Variants in IGSF11 observed in about 807,000 individuals in gnomAD.
IGSF11 encodes CXADR like 1.
Under a neutral mutation model 41.0 loss-of-function variants are expected in IGSF11, and 22 were observed. That is an observed-to-expected ratio of 0.54 (90% CI 0.38 to 0.77). The LOEUF (loss-of-function observed/expected upper bound fraction) is 0.77. Ranked by LOEUF, IGSF11 falls within the 30% of genes least tolerant of loss-of-function variation. The probability of loss-of-function intolerance (pLI) is 0.00; values close to 1 mark genes in which losing one functional copy is unlikely to be tolerated. For missense variants in IGSF11, 444 were observed against 530.8 expected, an observed-to-expected ratio of 0.84 and a Z score of 1.61; for synonymous variants, 219 against 201.3, an observed-to-expected ratio of 1.09 and a Z score of -0.74.
At chr3:119,007,071 C>T (rs1162312685) in intron 1 of IGSF11, among the ~76,000 whole-genome samples, 7 of 136,700 alleles carry the variant, frequency 5.1e-5, no homozygotes, top group Middle Eastern at 3.6e-3. Flanking sequence ...GCCTCGCTGC[C>T]GCCTTGCAGT....
intron 1 of IGSF11, among the ~76,000 whole-genome samples, chr3:119,008,417 G>A (rs1486776224): frequency 1.3e-5 from 2 of 152,088 alleles, no homozygotes; most frequent in African/African-American, 4.8e-5. Flanking sequence ...TCCTCTATCT[G>A]CCATGCACTA....
At chr3:118,921,597 G>A (rs1459957570) in intron 4 of IGSF11, among the ~76,000 whole-genome samples, 6 of 152,012 alleles carry the variant, frequency 3.9e-5, no homozygotes, top group East Asian at 1.9e-4. Context: ...AGTTAGTCAC[G>A]ATGATTGTCT....
intron 1 of IGSF11, among the ~76,000 whole-genome samples, chr3:119,028,793 C>T (rs551030424): frequency 2.0e-5 from 3 of 151,946 alleles, no homozygotes; most frequent in African/African-American, 4.8e-5. Flanking sequence ...CATAGTCACA[C>T]CAAATCCCTA....
At chr3:118,928,338 G>C (rs953952054) in intron 3 of IGSF11, among the ~76,000 whole-genome samples, 171 bp downstream of exon 3, 5 of 152,144 alleles carry the variant, frequency 3.3e-5, no homozygotes, top group African/African-American at 1.2e-4. Context: ...AAGAAAGGAG[G>C]GGGAGACTAT....
intron 1 of IGSF11, among the ~76,000 whole-genome samples, chr3:118,990,660 A>G (rs1260798700): frequency 6.6e-6 from 1 of 152,216 alleles, no homozygotes; most frequent in Non-Finnish European, 1.5e-5. Context: ...TGTACAGAGC[A>G]GTATTGTAGA....
chr3:119,107,489 C>T (rs1235483709), upstream of IGSF11, among the ~76,000 whole-genome samples: 2 of 151,892 alleles, frequency 1.3e-5, no homozygotes, highest in South Asian at 4.2e-4. Context: ...GGATATTAGC[C>T]CTTTGTCAGG....
intron 1 of IGSF11, among the ~76,000 whole-genome samples, chr3:119,024,237 C>T (rs750387916): frequency 2.0e-5 from 3 of 152,008 alleles, no homozygotes; most frequent in Non-Finnish European, 4.4e-5. Context: ...CTGAGGACAA[C>T]GAAATCACAA....
chr3:119,002,229 T>A (rs1399050163), intron 1 of IGSF11, among the ~76,000 whole-genome samples: 2 of 139,240 alleles, frequency 1.4e-5, no homozygotes, highest in Non-Finnish European at 3.1e-5. Context: ...CCAGTGATGA[T>A]GAGCATTTTT....
chr3:118,917,696 C>T (rs1190465197), intron 4 of IGSF11, among the ~76,000 whole-genome samples: 2 of 139,112 alleles, frequency 1.4e-5, no homozygotes, highest in Non-Finnish European at 3.1e-5. Context: ...GAACTGGTAC[C>T]ATTCCTTCTG....
chr3:118,937,164 C>T (rs1943348157), intron 1 of IGSF11, among the ~76,000 whole-genome samples: 2 of 152,302 alleles, frequency 1.3e-5, no homozygotes, highest in South Asian at 4.1e-4. Flanking sequence ...CTATGTTATC[C>T]TTCTGCCTAA....
intron 1 of IGSF11, among the ~76,000 whole-genome samples, chr3:119,143,284 A>G (rs2077673672): frequency 6.6e-6 from 1 of 152,216 alleles, no homozygotes; most frequent in South Asian, 2.1e-4. Context: ...TAATAGGTAC[A>G]CACTGTATAA....
At chr3:119,101,970 T>C (rs1040494795) in intron 1 of IGSF11, among the ~76,000 whole-genome samples, 1 of 152,236 alleles carries the variant, frequency 6.6e-6, no homozygotes, top group Non-Finnish European at 1.5e-5. Flanking sequence ...TTCATCTATA[T>C]TTTAAATAAT....
At chr3:119,066,766 A>G (rs1378036407) in intron 1 of IGSF11, among the ~76,000 whole-genome samples, 1 of 152,152 alleles carries the variant, frequency 6.6e-6, no homozygotes, top group Non-Finnish European at 1.5e-5. Flanking sequence ...CCATGCTTCA[A>G]CTTGGGTATT....
chr3:119,081,125 G>C (rs2076579411), intron 1 of IGSF11, among the ~76,000 whole-genome samples: 1 of 152,124 alleles, frequency 6.6e-6, no homozygotes, highest in Admixed American at 6.6e-5. Flanking sequence ...TGACTGTCTA[G>C]TGAGTATTTT....
chr3:119,126,020 G>T (rs1325299919), intron 1 of IGSF11, among the ~76,000 whole-genome samples: 3 of 152,250 alleles, frequency 2.0e-5, no homozygotes, highest in Non-Finnish European at 4.4e-5. Flanking sequence ...CTCCTGTGGG[G>T]AGGGGCGACC....
intron 1 of IGSF11, among the ~76,000 whole-genome samples, chr3:119,056,412 A>C (rs1190450403): frequency 1.3e-5 from 2 of 152,182 alleles, no homozygotes; most frequent in African/African-American, 2.4e-5. Flanking sequence ...CCCTCCCAAG[A>C]CTAAACCAGG....
intron 1 of IGSF11, among the ~76,000 whole-genome samples, chr3:119,044,484 A>C (rs994574823): frequency 6.6e-6 from 1 of 152,182 alleles, no homozygotes; most frequent in Non-Finnish European, 1.5e-5. Context: ...TGGAAAAAGT[A>C]TTTGAGGAAA....
chr3:118,979,607 G>A (rs1186319377), intron 1 of IGSF11, among the ~76,000 whole-genome samples: 1 of 152,122 alleles, frequency 6.6e-6, no homozygotes, highest in Non-Finnish European at 1.5e-5. Flanking sequence ...AACTCTTCAG[G>A]ACATTGGTGT....
rs747372252 is a variant in IGSF11 at position 119,034,555 on chromosome 3, G to C, written c.28C>G (p.Pro10Ala). Reference sequence around the variant, plus strand: ...CCGTGCAGAGAGAGGAGCAGCAAAGGCGCCAGAGGGGAACGCTGAGAAGTC... The same window carrying C: ...CCGTGCAGAGAGAGGAGCAGCAAAGCCGCCAGAGGGGAACGCTGAGAAGTC... MTSQRSPLA[P>A]LLLLSLHGVA... Residue 10 changes from proline (P) to alanine (A), a missense_variant, in exon 1 of 7, where the codon CCT becomes GCT. Pro to Ala is a conservative substitution (Grantham distance 27, BLOSUM62 -1). Coordinates refer to ENST00000393775, the MANE Select transcript of IGSF11 (RefSeq NM_001015887.3). 1 of 1,593,044 alleles carries C rather than the reference G, an allele frequency of 6.3e-7. No individual in the cohort carries two copies. The highest frequency in any genetic ancestry group is 8.5e-7 in the Non-Finnish European group (1 of 1,170,780).
Sources: gnomAD v4.1 joint callset for allele counts (sites outside exome capture counted in the v4.1 genomes callset) on GRCh38, gnomAD v4.1.1 for gene constraint, MANE v1.5 for transcripts, NCBI Gene and HGNC (gene_info 2026-07-23, HGNC 2026-07-21) for gene names.